The following STK32C variants were observed in gnomAD, a reference collection of about 807,000 sequenced individuals.
STK32C encodes serine/threonine-protein kinase 32C.
Under a neutral mutation model 56.5 loss-of-function variants are expected in STK32C, and 31 were observed. That is an observed-to-expected ratio of 0.55 (90% CI 0.41 to 0.74). STK32C has a LOEUF of 0.74. STK32C is among the 30% of genes least tolerant of loss of function. The pLI is 0.00. For missense variants in STK32C, 544 were observed against 676.9 expected (o/e 0.80, Z 2.18); for synonymous variants, 309 against 289.4 (o/e 1.07, Z -0.69).
intron 1 of STK32C, among the ~76,000 whole-genome samples, chr10:132,247,099 C>G (rs1483173852): frequency 6.6e-6 from 1 of 152,216 alleles, no homozygotes. Context: ...AGGGAAGACA[C>G]AGCCAAGGCC....
At chr10:132,311,933 G>T (rs1042607071), upstream of STK32C, among the ~76,000 whole-genome samples, 8 of 152,080 alleles carry the variant, frequency 5.3e-5, no homozygotes, top group African/African-American at 1.9e-4. The surrounding 1 kb of genome is among the most constrained non-coding windows in gnomAD (Gnocchi z 4.4). Flanking sequence ...CACATCCATG[G>T]GCAGCATGGA....
intron 11 of STK32C, among the ~76,000 whole-genome samples, chr10:132,208,683 G>A (rs971774081): frequency 2.6e-5 from 4 of 152,140 alleles, no homozygotes; most frequent in East Asian, 1.9e-4. Flanking sequence ...CTGTCCCCTG[G>A]GGCCTGACAT....
intron 1 of STK32C, among the ~76,000 whole-genome samples, chr10:132,329,765 G>A (rs1396490855): frequency 3.3e-5 from 5 of 152,190 alleles, no homozygotes; most frequent in East Asian, 1.9e-4. Context: ...GAGGTGCCAC[G>A]GGAGGACAGA....
intron 1 of STK32C, among the ~76,000 whole-genome samples, chr10:132,269,860 C>T (rs2064759127): frequency 6.6e-6 from 1 of 152,202 alleles, no homozygotes; most frequent in Non-Finnish European, 1.5e-5. Flanking sequence ...AGTGAGAGTC[C>T]CTAGCCTGCC....
chr10:132,260,954 C>T (rs2138065729), intron 1 of STK32C, among the ~76,000 whole-genome samples: 1 of 152,328 alleles, frequency 6.6e-6, no homozygotes, highest in East Asian at 1.9e-4. Context: ...CCCAGCAGGC[C>T]CCTAGCCCAC....
At chr10:132,266,027 C>A (rs1221763199) in intron 1 of STK32C, among the ~76,000 whole-genome samples, 1 of 152,184 alleles carries the variant, frequency 6.6e-6, no homozygotes, top group Non-Finnish European at 1.5e-5. Context: ...GACGTCTACC[C>A]AAGAATGTGC....
At chr10:132,229,548 T>C (rs868029086) in intron 2 of STK32C, among the ~76,000 whole-genome samples, 2 of 152,238 alleles carry the variant, frequency 1.3e-5, no homozygotes, top group Non-Finnish European at 2.9e-5. Flanking sequence ...GCAATCTTCA[T>C]TCCTCTCTGC....
intron 10 of STK32C, among the ~76,000 whole-genome samples, chr10:132,220,890 GATC>G (rs1248180431): frequency 3.3e-5 from 5 of 152,336 alleles, no homozygotes; most frequent in South Asian, 2.1e-4. Flanking sequence ...CAGAAACTGA[GATC>G]ATCACATAAC....
At chr10:132,230,381 G>C (rs2063049657) in intron 2 of STK32C, among the ~76,000 whole-genome samples, 1 of 152,200 alleles carries the variant, frequency 6.6e-6, no homozygotes, top group South Asian at 2.1e-4. Flanking sequence ...GGAGGCCGAG[G>C]AGTCCCGTGC....
intron 2 of STK32C, among the ~76,000 whole-genome samples, chr10:132,232,922 T>A (rs2063150956): frequency 1.3e-5 from 2 of 152,154 alleles, no homozygotes; most frequent in Admixed American, 6.5e-5. Flanking sequence ...TTTGGCAGAT[T>A]TAAGTGATTC....
At chr10:132,228,374 G>A (rs1449525983) in intron 2 of STK32C, among the ~76,000 whole-genome samples, 1 of 152,172 alleles carries the variant, frequency 6.6e-6, no homozygotes, top group Non-Finnish European at 1.5e-5. Flanking sequence ...CCCCCCAGAG[G>A]TTCCTGTACT....
At position 132,224,540 on chromosome 10, in the gene STK32C, A is replaced by G. The variant is rs200768058; in HGVS notation, c.877-17T>C. 4.7e-5 allele frequency: 74 copies of G among 1,572,954 alleles called. No homozygotes were observed. Among genetic ancestry groups the G allele is most frequent in the Non-Finnish European group, 6.0e-5 (69 of 1,155,478 alleles). The stretch of plus-strand genomic sequence containing the variant: ...ATAGGGCCTCTGGAGACAGGGAGGC[A>G]GTGCTGGGCAGGTCCTCCTGGCCCC... On this transcript the variant is annotated splice_polypyrimidine_tract_variant and intron_variant, in intron 7 of 11. Transcript: ENST00000298630.
At chr10:132,323,461 C>T (rs777942823), downstream of STK32C, among the ~76,000 whole-genome samples, 34 of 152,222 alleles carry the variant, frequency 2.2e-4, no homozygotes, top group Non-Finnish European at 3.8e-4. The surrounding 1 kb of genome is among the most constrained non-coding windows in gnomAD (Gnocchi z 4.8). Flanking sequence ...CCTGGCACCT[C>T]GTCAATGTAT....
chr10:132,260,390 C>T (rs1042775566), intron 1 of STK32C, among the ~76,000 whole-genome samples: 7 of 152,112 alleles, frequency 4.6e-5, no homozygotes, highest in African/African-American at 7.2e-5. Flanking sequence ...CCGGAGCCAG[C>T]GCGAAATCCA....
chr10:132,237,904 C>T (rs1239438312), intron 2 of STK32C, among the ~76,000 whole-genome samples: 3 of 152,226 alleles, frequency 2.0e-5, no homozygotes, highest in Non-Finnish European at 4.4e-5. Flanking sequence ...GTGCTGCCAT[C>T]CCCCTCCCAA....
chr10:132,330,344 T>C, intron 1 of STK32C: 1 of 668,608 alleles, frequency 1.5e-6, no homozygotes, highest in East Asian at 2.8e-5. Context: ...TGAAACTTGT[T>C]AGAAATAGCA....
At chr10:132,248,481 T>C (rs1213891222) in intron 1 of STK32C, among the ~76,000 whole-genome samples, 1 of 152,236 alleles carries the variant, frequency 6.6e-6, no homozygotes, top group Non-Finnish European at 1.5e-5. Flanking sequence ...CCAAGGACCC[T>C]CTGTCCACCT....
intron 2 of STK32C, among the ~76,000 whole-genome samples, 167 bp downstream of exon 2, chr10:132,245,733 G>A (rs912387574): frequency 2.0e-5 from 3 of 152,234 alleles, no homozygotes; most frequent in East Asian, 1.9e-4. Context: ...AGCTGCCTCC[G>A]TGGCAGGAGT....
chr10:132,295,651 C>A (rs539254235), intron 1 of STK32C, among the ~76,000 whole-genome samples: 1 of 151,970 alleles, frequency 6.6e-6, no homozygotes, highest in African/African-American at 2.4e-5. Context: ...TTCGGGGGGC[C>A]GAGGAGGGCG....
Sources: gnomAD v4.1 joint callset for allele counts (sites outside exome capture counted in the v4.1 genomes callset) on GRCh38, gnomAD v4.1.1 for gene constraint, Gnocchi (gnomAD v3.1) non-coding constraint, MANE v1.5 for transcripts, NCBI Gene and HGNC (gene_info 2026-07-23, HGNC 2026-07-21) for gene names.